Variants in WDFY4 observed in about 807,000 individuals in gnomAD.
WDFY4 encodes the protein WDFY family member 4.
In WDFY4, 169 loss-of-function variants were observed where a neutral mutation model predicts 351.9. That is an observed-to-expected ratio of 0.48 (90% CI 0.42 to 0.55). The LOEUF (loss-of-function observed/expected upper bound fraction) is 0.55. Ranked by LOEUF, WDFY4 falls within the 20% of genes least tolerant of loss-of-function variation. The probability of loss-of-function intolerance (pLI) is 0.00; values close to 1 mark genes in which losing one functional copy is unlikely to be tolerated. For missense variants in WDFY4, 3,803 were observed against 3,935.6 expected, an observed-to-expected ratio of 0.97 and a Z score of 0.90; for synonymous variants, 1,622 against 1,574.6, an observed-to-expected ratio of 1.03 and a Z score of -0.71.
intron 1 of WDFY4, among the ~76,000 whole-genome samples, chr10:48,698,836 T>G (rs952487570): frequency 1.3e-5 from 2 of 152,202 alleles, no homozygotes; most frequent in Non-Finnish European, 2.9e-5. Flanking sequence ...TGCATGTGTG[T>G]AGGCAGAGAG....
At chr10:48,701,219 T>C (rs1207676941) in intron 1 of WDFY4, among the ~76,000 whole-genome samples, 1 of 152,214 alleles carries the variant, frequency 6.6e-6, no homozygotes, top group Non-Finnish European at 1.5e-5. Context: ...TTTGTATAAT[T>C]CTCTCAGGGT....
At chr10:48,895,116 A>AG (rs1837009309) in intron 44 of WDFY4, among the ~76,000 whole-genome samples, 1 of 152,198 alleles carries the variant, frequency 6.6e-6, no homozygotes, top group Admixed American at 6.5e-5. Flanking sequence ...CCAGCTGTTC[A>AG]GGGGCCTAAG....
chr10:48,875,223 A>G (rs985089332), intron 42 of WDFY4, 83 bp downstream of exon 42: 2 of 806,432 alleles, frequency 2.5e-6, no homozygotes, highest in Non-Finnish European at 3.4e-6. Flanking sequence ...TATTAAATTA[A>G]TATTTTAGAA....
At chr10:48,935,903 C>CT (rs11455025) in intron 47 of WDFY4, among the ~76,000 whole-genome samples, 76,677 of 149,274 alleles carry the variant, frequency 0.51, 20,824 homozygotes, top group African/African-American at 0.71. Context: ...CATCTATGGT[C>CT]TTTTTTTTTT....
rs897176261 is a variant in WDFY4, at chr10:48,900,223, C to T, written c.7440C>T (p.Asp2480=). 6.4e-7 allele frequency: 1 copy of T among 1,551,522 alleles called. No individual in the cohort carries two copies. Among genetic ancestry groups the T allele is most frequent in the Non-Finnish European group, 8.7e-7 (1 of 1,146,862 alleles). ...TTAAAAGGGGCTTCTCTTCACAGGA[C>T]ATCGCCCTGGAGATCTTCTTCCACA... ...ELRQARFLLQ[D]IALEIFFHNG... Residue 2480 remains aspartate (D), a splice_region_variant and synonymous_variant, in exon 46 of 62, where the codon GAC becomes GAT. Coordinates refer to ENST00000325239, the MANE Select transcript of WDFY4 (RefSeq NM_001394531.1).
chr10:48,812,486 G>A (rs985213873), intron 30 of WDFY4, among the ~76,000 whole-genome samples: 4 of 151,816 alleles, frequency 2.6e-5, no homozygotes, highest in African/African-American at 4.8e-5. Context: ...CACCGCACCC[G>A]GCCCCCTTTC....
intron 1 of WDFY4, among the ~76,000 whole-genome samples, chr10:48,685,302 G>A (rs1415598475): frequency 1.3e-5 from 2 of 152,236 alleles, no homozygotes; most frequent in African/African-American, 4.8e-5. Context: ...GACCTCTGAC[G>A]GTAGGTCAAG....
At chr10:48,822,211 G>T (rs2067848236) in intron 34 of WDFY4, among the ~76,000 whole-genome samples, 169 bp from the exon 35 acceptor site, 1 of 152,182 alleles carries the variant, frequency 6.6e-6, no homozygotes, top group South Asian at 2.1e-4. Context: ...TGTTCATTTT[G>T]ATTAAATGTG....
chr10:48,695,446 A>C (rs2063306597), intron 1 of WDFY4, among the ~76,000 whole-genome samples: 1 of 152,220 alleles, frequency 6.6e-6, no homozygotes, highest in East Asian at 1.9e-4. Flanking sequence ...GGAAGAGGGA[A>C]CCTGGGTTTG....
At chr10:48,783,390 AT>A (rs1212764196) in intron 19 of WDFY4, among the ~76,000 whole-genome samples, 1 of 151,958 alleles carries the variant, frequency 6.6e-6, no homozygotes, top group Non-Finnish European at 1.5e-5. Flanking sequence ...TTTCCTGAAT[AT>A]TTTTGAGCCA....
intron 2 of WDFY4, among the ~76,000 whole-genome samples, chr10:48,719,572 A>G (rs996037473): frequency 6.6e-6 from 1 of 152,240 alleles, no homozygotes; most frequent in Non-Finnish European, 1.5e-5. Flanking sequence ...AAATAATCAA[A>G]TGACTAAAAC....
At chr10:48,809,792 A>T (rs1184573374) in intron 28 of WDFY4, among the ~76,000 whole-genome samples, 1 of 152,224 alleles carries the variant, frequency 6.6e-6, no homozygotes, top group Admixed American at 6.5e-5. Flanking sequence ...AGAAAAGAGG[A>T]CAGCCTCTTC....
intron 12 of WDFY4, among the ~76,000 whole-genome samples, chr10:48,749,848 C>T (rs1279909761): frequency 6.6e-6 from 1 of 152,206 alleles, no homozygotes; most frequent in African/African-American, 2.4e-5. Context: ...CTTGCTTCTG[C>T]CTTAGCATAT....
At chr10:48,760,151 G>C (rs2065458198) in intron 12 of WDFY4, among the ~76,000 whole-genome samples, 196 bp from the exon 13 acceptor site, 1 of 152,186 alleles carries the variant, frequency 6.6e-6, no homozygotes, top group African/African-American at 2.4e-5. Context: ...ATGACTGTAG[G>C]GGGAAAGTGT....
At chr10:48,960,755 A>C (rs1841820410) in intron 53 of WDFY4, among the ~76,000 whole-genome samples, 1 of 152,248 alleles carries the variant, frequency 6.6e-6, no homozygotes, top group Non-Finnish European at 1.5e-5. Context: ...AGATTTACTG[A>C]ATCAGTTTAC....
At position 48,876,696 on chromosome 10, in the gene WDFY4, C is replaced by T. The variant is rs540388882; in HGVS notation, c.7001-337C>T. Among the ~76,000 whole-genome samples the T allele has an allele frequency of 4.6e-5, 7 of 152,262 alleles. No individual in the cohort carries two copies. The South Asian group carries it at 1.4e-3, about 32-fold the overall frequency. ...AAGTGAAATTCAGAGAAAGCAAATC[C>T]TAGCTGGGCCTCTGAGGAGTTGCTT... On this transcript the variant is annotated intron_variant, in intron 42 of 61. Transcript: ENST00000325239.
At chr10:48,767,148 C>T (rs767421582) in intron 13 of WDFY4, among the ~76,000 whole-genome samples, 6 of 152,208 alleles carry the variant, frequency 3.9e-5, no homozygotes, top group Non-Finnish European at 7.3e-5. Context: ...CATGGCAGAG[C>T]GGCCACCCAT....
intron 5 of WDFY4, among the ~76,000 whole-genome samples, chr10:48,725,315 G>C (rs1274876118): frequency 6.6e-6 from 1 of 152,182 alleles, no homozygotes; most frequent in Non-Finnish European, 1.5e-5. Flanking sequence ...GAGTGAGAAG[G>C]CAGTGCTAGT....
chr10:48,727,705 C>A (rs770961914), intron 7 of WDFY4, 46 bp downstream of exon 7: 5 of 1,540,596 alleles, frequency 3.2e-6, no homozygotes, highest in Admixed American at 4.0e-5. Flanking sequence ...ACCACCAAAG[C>A]CTTAGTCCTC....
Sources: allele counts gnomAD v4.1 joint callset (sites outside exome capture counted in the v4.1 genomes callset), GRCh38; gene constraint gnomAD v4.1.1; transcripts MANE v1.5; gene names NCBI Gene and HGNC (gene_info 2026-07-23, HGNC 2026-07-21).